Variants in NAALADL2 observed in about 807,000 individuals in gnomAD.
NAALADL2 encodes the protein inactive N-acetylated-alpha-linked acidic dipeptidase-like protein 2.
Under a neutral mutation model 87.2 loss-of-function variants are expected in NAALADL2, and 76 were observed. The observed-to-expected ratio is 0.87, with a 90% CI of 0.72 to 1.05. The LOEUF is 1.05. Among genes scored for constraint, NAALADL2 ranks in the 50% least tolerant of loss-of-function variants. NAALADL2 has a pLI of 0.00. For missense variants in NAALADL2, 1,089 were observed against 945.8 expected, an observed-to-expected ratio of 1.15 and a Z score of -1.99; for synonymous variants, 354 against 331.0, an observed-to-expected ratio of 1.07 and a Z score of -0.75.
At chr3:174,960,815 A>G (rs1741866843) in intron 1 of NAALADL2, among the ~76,000 whole-genome samples, 1 of 151,894 alleles carries the variant, frequency 6.6e-6, no homozygotes, top group African/African-American at 2.4e-5. Flanking sequence ...TTAAAAGAAT[A>G]AAATCAAATG....
intron 4 of NAALADL2, among the ~76,000 whole-genome samples, chr3:175,285,471 A>G (rs907637940): frequency 6.6e-6 from 1 of 152,170 alleles, no homozygotes; most frequent in Non-Finnish European, 1.5e-5. Context: ...ATTTATAAGG[A>G]ATACTTTGAG....
At chr3:174,775,224 T>C (rs1006455839) in intron 3 of NAALADL2, among the ~76,000 whole-genome samples, 11 of 151,094 alleles carry the variant, frequency 7.3e-5, no homozygotes, top group Non-Finnish European at 1.0e-4. Context: ...GCAACCATTA[T>C]AACAATTTAA....
chr3:175,589,492 C>A (rs1242454380), intron 10 of NAALADL2, among the ~76,000 whole-genome samples: 2 of 151,390 alleles, frequency 1.3e-5, no homozygotes, highest in African/African-American at 2.4e-5. Flanking sequence ...TAAATTTCTA[C>A]CTTTAATTAA....
chr3:175,476,099 T>C (rs1242104842), intron 9 of NAALADL2, among the ~76,000 whole-genome samples: 1 of 152,206 alleles, frequency 6.6e-6, no homozygotes, highest in African/African-American at 2.4e-5. Flanking sequence ...TGTAGTTTCT[T>C]CTTTAATTTC....
intron 3 of NAALADL2, among the ~76,000 whole-genome samples, chr3:174,814,354 G>A (rs985717931): frequency 1.3e-5 from 2 of 151,998 alleles, no homozygotes; most frequent in Non-Finnish European, 1.5e-5. Flanking sequence ...TGATCCGCCC[G>A]CCTCAGCCTC....
intron 3 of NAALADL2, among the ~76,000 whole-genome samples, chr3:174,838,326 C>T (rs1723606061): frequency 1.3e-5 from 2 of 152,100 alleles, no homozygotes; most frequent in Admixed American, 6.5e-5. Context: ...GCAAAATTGG[C>T]ATACAAGGGG....
intron 3 of NAALADL2, among the ~76,000 whole-genome samples, chr3:174,845,038 A>G (rs999355957): frequency 1.3e-5 from 2 of 151,962 alleles, no homozygotes; most frequent in African/African-American, 4.8e-5. Context: ...GATGGTGGAA[A>G]CAAAGATAAA....
chr3:175,738,991 A>G (rs1485546387), intron 12 of NAALADL2, among the ~76,000 whole-genome samples: 3 of 152,162 alleles, frequency 2.0e-5, no homozygotes, highest in Non-Finnish European at 2.9e-5. Flanking sequence ...TTTATATTTT[A>G]TACTTCAGAA....
chr3:175,384,554 T>C (rs571552584), intron 5 of NAALADL2, among the ~76,000 whole-genome samples: 1 of 152,090 alleles, frequency 6.6e-6, no homozygotes, highest in Middle Eastern at 3.4e-3. Flanking sequence ...TCATACACTT[T>C]AGGCTTATAT....
intron 2 of NAALADL2, among the ~76,000 whole-genome samples, chr3:175,173,322 AAAT>A (rs1210431967): frequency 2.5e-4 from 21 of 83,260 alleles, no homozygotes; most frequent in South Asian, 4.5e-4. Context: ...ATAAATAAAT[AAAT>A]AAATAAATAA....
chr3:175,413,062 T>G lies in NAALADL2; in HGVS notation c.1091-34167T>G, dbSNP rs1365814861. Among the ~76,000 whole-genome samples the G allele has an allele frequency of 3.3e-5, 5 of 149,466 alleles. No individual in the cohort carries two copies. The East Asian group carries it at 1.0e-3, about 31-fold the overall frequency. ...GCTTCCCACGCCCGGTTAATTTTTT[T>G]GTATTTTTAGTAGAGATGGGGTTTC... On this transcript the variant is annotated intron_variant, in intron 5 of 13. Transcript: ENST00000454872.
chr3:175,094,581 A>G (rs1013347673), intron 1 of NAALADL2, among the ~76,000 whole-genome samples: 1 of 152,034 alleles, frequency 6.6e-6, no homozygotes, highest in African/African-American at 2.4e-5. Flanking sequence ...ACAGAATTCA[A>G]ATGCTACACT....
At chr3:175,260,007 G>A (rs1750738475) in intron 4 of NAALADL2, among the ~76,000 whole-genome samples, 1 of 151,742 alleles carries the variant, frequency 6.6e-6, no homozygotes, top group South Asian at 2.1e-4. Flanking sequence ...CAGCCTGGGT[G>A]ACAGAATGAA....
chr3:175,353,592 C>T (rs918546464), intron 5 of NAALADL2, among the ~76,000 whole-genome samples: 6 of 152,146 alleles, frequency 3.9e-5, no homozygotes, highest in Non-Finnish European at 5.9e-5. Context: ...TAGCTGGTTT[C>T]TTGCTTTTCA....
At chr3:175,203,431 TA>T (rs1438574500) in intron 2 of NAALADL2, among the ~76,000 whole-genome samples, 1 of 152,164 alleles carries the variant, frequency 6.6e-6, no homozygotes, top group African/African-American at 2.4e-5. Context: ...GGGGGATGTG[TA>T]TTTGGAAGAG....
chr3:174,899,554 C>A (rs1406113828), intron 1 of NAALADL2, among the ~76,000 whole-genome samples: 1 of 152,272 alleles, frequency 6.6e-6, no homozygotes, highest in Non-Finnish European at 1.5e-5. Flanking sequence ...GTGTCTGCTT[C>A]CCCTTTGCCT....
chr3:175,314,634 AAATT>A (rs1758816338), intron 4 of NAALADL2, among the ~76,000 whole-genome samples: 1 of 118,016 alleles, frequency 8.5e-6, no homozygotes, highest in Admixed American at 9.3e-5. Flanking sequence ...TTGAAAAGTA[AAATT>A]AGCGTTTTCT....
At chr3:175,102,078 C>A (rs1319893290) in intron 2 of NAALADL2, among the ~76,000 whole-genome samples, 1 of 152,080 alleles carries the variant, frequency 6.6e-6, no homozygotes, top group Non-Finnish European at 1.5e-5. Context: ...ATTAGAATCA[C>A]TTTTCAAGCC....
intron 11 of NAALADL2, among the ~76,000 whole-genome samples, chr3:175,693,648 A>C (rs1279427325): frequency 6.6e-6 from 1 of 152,060 alleles, no homozygotes; most frequent in Admixed American, 6.6e-5. Context: ...TTGAGTTCTG[A>C]AATTAAAAAA....
Sources: allele counts gnomAD v4.1 joint callset (sites outside exome capture counted in the v4.1 genomes callset), GRCh38; gene constraint gnomAD v4.1.1; transcripts MANE v1.5; gene names NCBI Gene and HGNC (gene_info 2026-07-23, HGNC 2026-07-21).